N4BP2: variants seen among roughly 807,000 people sequenced by gnomAD.
N4BP2 encodes the protein NEDD4 binding protein 2.
N4BP2 carries 91 observed loss-of-function variants against 152.8 expected under a neutral mutation model. The observed-to-expected ratio is 0.60, with a 90% confidence interval of 0.50 to 0.71. The LOEUF is 0.71. Ranked by LOEUF, N4BP2 falls within the 30% of genes least tolerant of loss-of-function variation. N4BP2 has a pLI of 0.00. For synonymous variants in N4BP2, 646 were observed against 705.3 expected (o/e 0.92, Z 1.33); for missense variants, 1,923 against 2,059.1 (o/e 0.93, Z 1.28).
Position 40,142,439 on chromosome 4 carries a change from CT to C in N4BP2, c.4786-232del, listed in dbSNP as rs771502503. On this transcript the variant is annotated intron_variant, in intron 14 of 17. Coordinates refer to ENST00000261435, the MANE Select transcript of N4BP2 (RefSeq NM_018177.6). ...TGTATTTTGATAATTTTAGAGAACT[CT>C]TCAACATCTCCCGAGAGTGGTTAAA... The C allele has an allele frequency of 1.9e-4, 83 of 431,602 alleles. 4 individuals carry two copies. In the South Asian group the frequency reaches 3.0e-3, roughly 16 times the overall value. The allele number at this position is 431,602 out of a possible 1,614,324, so 26.7% of individuals were successfully genotyped here.
At chr4:40,132,532 C>T (rs1388404240) in intron 13 of N4BP2, among the ~76,000 whole-genome samples, 3 of 152,144 alleles carry the variant, frequency 2.0e-5, no homozygotes, top group African/African-American at 7.2e-5. Context: ...AGTAATTCTA[C>T]ATCTCCAAAT....
chr4:40,121,823 A>T lies in N4BP2; in HGVS notation c.3712A>T (p.Ser1238Cys). The T allele has an allele frequency of 6.2e-7, 1 of 1,614,076 alleles. No individual in the cohort carries two copies. Among genetic ancestry groups the T allele is most frequent in the Non-Finnish European group, 8.5e-7 (1 of 1,179,946 alleles). The change falls in exon 9 of 18, where the codon AGC becomes TGC. Residue 1238 changes from serine to cysteine, a missense_variant. By Grantham distance (112) the Ser-to-Cys change is moderately radical (BLOSUM62 -1). Transcript: ENST00000261435. The part of the protein sequence containing the change: ...LKNNNDILPN[S>C]QEELLYSSKQ... The stretch of plus-strand genomic sequence containing the variant: ...GAATAATAATGACATACTTCCTAAC[A>T]GCCAGGAAGAACTTTTATATAGCAG...
intron 1 of N4BP2, among the ~76,000 whole-genome samples, chr4:40,066,321 T>C (rs113858022): frequency 6.3e-3 from 27 of 4,282 alleles, no homozygotes; most frequent in Non-Finnish European, 5.3e-3. Context: ...TGATTTTCCC[T>C]TTTTTTTTTT....
chr4:40,169,963 C>CAA, the N4BP2 span, among the ~76,000 whole-genome samples: 2 of 45,816 alleles, frequency 4.4e-5, no homozygotes, highest in Admixed American at 2.4e-4. Flanking sequence ...GACTCAATCT[C>CAA]AAAAAAAAAA....
At chr4:40,167,151 G>A in the N4BP2 span, 5 of 152,192 alleles carry the variant, frequency 3.3e-5, no homozygotes, top group South Asian at 2.1e-4. Context: ...ATCAGGAAAA[G>A]CATTACTCTG....
In N4BP2 at chr4:40,102,310, T is replaced by C. The variant is rs1715747698; in HGVS notation, c.465T>C (p.Ser155=). Residue 155 remains serine, a synonymous_variant, in exon 4 of 18, where the codon TCT becomes TCC. Coordinates refer to ENST00000261435, the MANE Select transcript of N4BP2 (RefSeq NM_018177.6). ...AGAATGCTTTTGAGAAATTGAACTCTTCTCCTGATGACCAAGTATACTCAT... is the reference window on the plus strand; with the variant it reads ...AGAATGCTTTTGAGAAATTGAACTCCTCTCCTGATGACCAAGTATACTCAT... The part of the protein sequence containing the change: ...LIQNAFEKLN[S]SPDDQVYSFL... 6.2e-7 allele frequency: 1 copy of C among 1,613,396 alleles called. No homozygotes were observed. Among genetic ancestry groups the C allele is most frequent in the East Asian group, 2.2e-5 (1 of 44,852 alleles).
intron 16 of N4BP2, 112 bp from the exon 17 acceptor site, chr4:40,152,668 C>A: frequency 8.3e-7 from 1 of 1,200,354 alleles, no homozygotes; most frequent in Non-Finnish European, 1.2e-6. Context: ...AGATGGCAAA[C>A]CCCAAAATCC....
intron 2 of N4BP2, among the ~76,000 whole-genome samples, chr4:40,076,773 C>T (rs1712782847): frequency 6.6e-6 from 1 of 152,182 alleles, no homozygotes; most frequent in South Asian, 2.1e-4. Context: ...CAGGTGTGAG[C>T]CACCACACCC....
chr4:40,125,905 AAT>A (rs371494007), intron 11 of N4BP2, among the ~76,000 whole-genome samples: 35,227 of 142,600 alleles, frequency 0.25, 4,504 homozygotes, highest in South Asian at 0.43. Flanking sequence ...AAAAAAAAAA[AAT>A]TATACACAGA....
chr4:40,065,960 C>T (rs1734005782), intron 1 of N4BP2, among the ~76,000 whole-genome samples: 1 of 151,424 alleles, frequency 6.6e-6, no homozygotes, highest in East Asian at 1.9e-4. Flanking sequence ...GAGATGGAGT[C>T]TAGATCTGTC....
chr4:40,130,610 G>A (rs2110013300), intron 12 of N4BP2, among the ~76,000 whole-genome samples: 1 of 152,038 alleles, frequency 6.6e-6, no homozygotes, highest in Non-Finnish European at 1.5e-5. Flanking sequence ...TGACCTCCTG[G>A]GCTCAAGCCA....
chr4:40,092,008 T>TTATATATATTTATA (rs1714621969), intron 2 of N4BP2, among the ~76,000 whole-genome samples: 1 of 27,202 alleles, frequency 3.7e-5, no homozygotes, highest in African/African-American at 1.5e-4. Context: ...AAAAAAAAAA[T>TTATATATATTTATA]TATATATATA....
Position 40,100,211 on chromosome 4 carries a change from G to C in N4BP2, c.230-1864G>C, listed in dbSNP as rs544453976. On this transcript the variant is annotated intron_variant, in intron 3 of 17. Transcript: ENST00000261435. ...CTTGTTGAAAGTGTCATAGCCAGCA[G>C]TAGAGATTTAAATGTTGGTGTTCTG... is the stretch of plus-strand genomic sequence containing the variant. The C allele has an allele frequency of 1.8e-4, 72 of 395,950 alleles. 1 individual carries two copies. Among genetic ancestry groups the C allele is most frequent in the South Asian group, 1.3e-3 (70 of 55,528 alleles). 24.5% of individuals were successfully genotyped at this position (395,950 alleles called of 1,614,324 possible). A position where few individuals can be genotyped will look rare whatever the true frequency, so the allele number is the denominator to read the frequency against.
chr4:40,090,256 T>G (rs1714397315), intron 2 of N4BP2, among the ~76,000 whole-genome samples: 1 of 152,214 alleles, frequency 6.6e-6, no homozygotes, highest in African/African-American at 2.4e-5. Flanking sequence ...CTATTTTACC[T>G]ATTTTAGTTC....
chr4:40,138,357 A>G (rs1719595340), intron 14 of N4BP2, among the ~76,000 whole-genome samples: 1 of 152,166 alleles, frequency 6.6e-6, no homozygotes, highest in African/African-American at 2.4e-5. Context: ...TGTGATTTGC[A>G]GATATTCTGT....
At chr4:40,065,845 G>T (rs1733996075) in intron 1 of N4BP2, among the ~76,000 whole-genome samples, 1 of 152,024 alleles carries the variant, frequency 6.6e-6, no homozygotes, top group African/African-American at 2.4e-5. Context: ...CGGGGGCATG[G>T]ATATGATACA....
At chr4:40,169,508 C>G in the N4BP2 span, among the ~76,000 whole-genome samples, 4 of 151,074 alleles carry the variant, frequency 2.6e-5, no homozygotes, top group African/African-American at 9.7e-5. Context: ...TGAGACTGCC[C>G]TCCTAAATAA....
At chr4:40,162,299 C>G (rs1204668145), downstream of N4BP2, among the ~76,000 whole-genome samples, 1 of 152,036 alleles carries the variant, frequency 6.6e-6, no homozygotes, top group Admixed American at 6.5e-5. Context: ...GTCAGGAGTT[C>G]AAAACCAGCC....
At position 40,087,965 on chromosome 4, in the gene N4BP2, C is replaced by T. The variant is rs1714145391; in HGVS notation, c.-114-9262C>T. ...GGCCAGGCTGGTCTCACTATGCTGCCCAGGATGGTCTCGAACTCCTGACCT... is the reference window on the plus strand; with the variant it reads ...GGCCAGGCTGGTCTCACTATGCTGCTCAGGATGGTCTCGAACTCCTGACCT... On this transcript the variant is annotated intron_variant, in intron 2 of 17. Transcript: ENST00000261435. Among the ~76,000 whole-genome samples the T allele has an allele frequency of 2.0e-5, 3 of 152,250 alleles. No homozygotes were observed. In the South Asian group the frequency reaches 6.2e-4, roughly 32 times the overall value.
Sources: allele counts gnomAD v4.1 joint callset (sites outside exome capture counted in the v4.1 genomes callset), GRCh38; gene constraint gnomAD v4.1.1; transcripts MANE v1.5; gene names NCBI Gene and HGNC (gene_info 2026-07-23, HGNC 2026-07-21).